PLCB1: variants seen among roughly 807,000 people sequenced by gnomAD.
PLCB1 encodes phospholipase C beta 1, also known as 1-phosphatidylinositol 4,5-bisphosphate phosphodiesterase beta-1.
In PLCB1, 46 loss-of-function variants were observed where a neutral mutation model predicts 161.8. The observed-to-expected ratio is 0.28, with a 90% CI of 0.22 to 0.36. The LOEUF (loss-of-function observed/expected upper bound fraction) is 0.36, where lower values mean the gene tolerates loss of function less well. PLCB1 is among the 10% of genes least tolerant of loss of function. PLCB1 has a pLI of 1.00. For synonymous variants in PLCB1, 517 were observed against 503.7 expected (o/e 1.03, Z -0.35); for missense variants, 1,016 against 1,472.5 (o/e 0.69, Z 5.07).
At chr20:8,518,334 A>G (rs886730095) in intron 3 of PLCB1, among the ~76,000 whole-genome samples, 3 of 152,148 alleles carry the variant, frequency 2.0e-5, no homozygotes, top group Admixed American at 2.0e-4. Context: ...TTTCTCTCCC[A>G]GCTTCAGCAA....
intron 31 of PLCB1, among the ~76,000 whole-genome samples, chr20:8,836,393 T>G (rs1183637348): frequency 6.6e-6 from 1 of 152,144 alleles, no homozygotes; most frequent in Non-Finnish European, 1.5e-5. Flanking sequence ...GGCCTGAGAA[T>G]GAGGAGAGCT....
intron 12 of PLCB1, among the ~76,000 whole-genome samples, chr20:8,710,996 TG>T (rs1283450685): frequency 6.6e-6 from 1 of 152,178 alleles, no homozygotes; most frequent in Non-Finnish European, 1.5e-5. Flanking sequence ...AAGCAGTTTT[TG>T]AAATATTTTA....
At chr20:8,777,075 G>A (rs529317063) in intron 27 of PLCB1, among the ~76,000 whole-genome samples, 1 of 152,310 alleles carries the variant, frequency 6.6e-6, no homozygotes, top group East Asian at 1.9e-4. Context: ...GGGCCTGAGT[G>A]TTGGGGGAAC....
At chr20:8,331,836 C>T (rs1404043694) in intron 2 of PLCB1, among the ~76,000 whole-genome samples, 1 of 152,142 alleles carries the variant, frequency 6.6e-6, no homozygotes, top group Non-Finnish European at 1.5e-5. Context: ...GTGTTTGCTT[C>T]ATATGGCTTA....
chr20:8,842,456 G>T (rs1014604748), intron 31 of PLCB1, among the ~76,000 whole-genome samples: 1 of 152,058 alleles, frequency 6.6e-6, no homozygotes, highest in African/African-American at 2.4e-5. Flanking sequence ...GTATTATTTC[G>T]ATTTGAACTT....
rs746402927 is a variant in PLCB1, at chr20:8,371,386, C to T, written c.182C>T (p.Thr61Ile). 2 of 1,611,544 alleles carry T rather than the reference C, an allele frequency of 1.2e-6. No individual in the cohort carries two copies. The highest frequency in any genetic ancestry group is 8.5e-7 in the Non-Finnish European group (1 of 1,178,294). Residue 61 changes from threonine (T) to isoleucine (I), a missense_variant, in exon 3 of 32, where the codon ACA becomes ATA. Physicochemically the swap from Thr to Ile is moderately conservative, Grantham distance 89. Coordinates refer to ENST00000338037, the MANE Select transcript of PLCB1 (RefSeq NM_015192.4). Reference protein sequence around the residue: ...FFYWTDQNKETELLDLSLVKD... With the variant: ...FFYWTDQNKEIELLDLSLVKD... ...TTTCACGTTTTTGCCTTCCAGGAGACAGAGCTACTGGATCTCAGCCTTGTC... is the reference window on the plus strand; with the variant it reads ...TTTCACGTTTTTGCCTTCCAGGAGATAGAGCTACTGGATCTCAGCCTTGTC...
chr20:8,261,834 G>C (rs1981713285), intron 2 of PLCB1, among the ~76,000 whole-genome samples: 2 of 152,230 alleles, frequency 1.3e-5, no homozygotes, highest in South Asian at 4.2e-4. Flanking sequence ...ATTGTATTTA[G>C]TATTGAGATT....
At chr20:8,513,778 G>A (rs1473967557) in intron 3 of PLCB1, among the ~76,000 whole-genome samples, 1 of 152,138 alleles carries the variant, frequency 6.6e-6, no homozygotes, top group East Asian at 1.9e-4. Context: ...GGGAGGCCAA[G>A]GCAGAAAGAT....
At chr20:8,590,009 A>ACCC (rs1987102210) in intron 3 of PLCB1, among the ~76,000 whole-genome samples, 1 of 152,044 alleles carries the variant, frequency 6.6e-6, no homozygotes, top group South Asian at 2.1e-4. Context: ...TCCTCCTAAT[A>ACCC]TCATCACTTT....
intron 2 of PLCB1, among the ~76,000 whole-genome samples, chr20:8,223,969 A>G (rs1171211412): frequency 6.6e-6 from 1 of 152,178 alleles, no homozygotes. Context: ...TGTGAGGTTA[A>G]GGGAATTTTT....
At chr20:8,308,140 T>A (rs1984222286) in intron 2 of PLCB1, among the ~76,000 whole-genome samples, 1 of 152,058 alleles carries the variant, frequency 6.6e-6, no homozygotes, top group Non-Finnish European at 1.5e-5. Flanking sequence ...TTTTTCATAT[T>A]ATAGCCAGCA....
At chr20:8,362,982 G>C (rs923153165) in intron 2 of PLCB1, among the ~76,000 whole-genome samples, 1 of 152,090 alleles carries the variant, frequency 6.6e-6, no homozygotes, top group African/African-American at 2.4e-5. Flanking sequence ...TTCCTCATCT[G>C]TGTTCTCTTT....
chr20:8,420,279 T>A (rs1979484667), intron 3 of PLCB1, among the ~76,000 whole-genome samples: 1 of 152,204 alleles, frequency 6.6e-6, no homozygotes, highest in Non-Finnish European at 1.5e-5. Flanking sequence ...AGCAAACTGC[T>A]CCTACCTACT....
intron 22 of PLCB1, among the ~76,000 whole-genome samples, chr20:8,740,684 A>G (rs1257313836): frequency 6.6e-6 from 1 of 152,140 alleles, no homozygotes; most frequent in Non-Finnish European, 1.5e-5. Context: ...TTGAATATTT[A>G]TTCCCTTTTA....
chr20:8,334,464 T>C (rs1166803279), intron 2 of PLCB1, among the ~76,000 whole-genome samples: 1 of 152,180 alleles, frequency 6.6e-6, no homozygotes, highest in Non-Finnish European at 1.5e-5. Context: ...ACTTCATAAA[T>C]GTGACAAAAA....
intron 31 of PLCB1, among the ~76,000 whole-genome samples, chr20:8,820,624 CA>C (rs1387416836): frequency 6.6e-6 from 1 of 152,088 alleles, no homozygotes; most frequent in Non-Finnish European, 1.5e-5. Flanking sequence ...AATTCCTCAT[CA>C]AGGTAGAAAC....
intron 17 of PLCB1, among the ~76,000 whole-genome samples, chr20:8,728,359 C>A (rs1980053001): frequency 6.6e-6 from 1 of 152,000 alleles, no homozygotes; most frequent in Non-Finnish European, 1.5e-5. Flanking sequence ...ACTAGTCAGT[C>A]ATGTTTTAAA....
chr20:8,672,991 A>G (rs1258260296), intron 9 of PLCB1, among the ~76,000 whole-genome samples: 1 of 152,050 alleles, frequency 6.6e-6, no homozygotes, highest in East Asian at 1.9e-4. Flanking sequence ...GCGCGCCTGT[A>G]ATCCCAGCTA....
chr20:8,551,856 A>T (rs1457752128), intron 3 of PLCB1, among the ~76,000 whole-genome samples: 1 of 152,064 alleles, frequency 6.6e-6, no homozygotes, highest in African/African-American at 2.4e-5. Context: ...CTCAGGCTTA[A>T]ATTTTTTCTG....
Sources: allele counts gnomAD v4.1 joint callset (sites outside exome capture counted in the v4.1 genomes callset), GRCh38; gene constraint gnomAD v4.1.1; transcripts MANE v1.5; gene names NCBI Gene and HGNC (gene_info 2026-07-23, HGNC 2026-07-21).